ATP10D: variants seen among roughly 807,000 people sequenced by gnomAD.
ATP10D encodes the protein ATPase phospholipid transporting 10D (putative).
Under a neutral mutation model 144.8 loss-of-function variants are expected in ATP10D, and 89 were observed. The observed-to-expected ratio is 0.61, with a 90% CI of 0.52 to 0.73. The LOEUF is 0.73. Ranked by LOEUF, ATP10D falls within the 30% of genes least tolerant of loss-of-function variation. The pLI is 0.00. For synonymous variants in ATP10D, 571 were observed against 615.1 expected (o/e 0.93, Z 1.06); for missense variants, 1,603 against 1,714.8 (o/e 0.93, Z 1.15).
chr4:47,519,578 G>A (rs1716844173), intron 3 of ATP10D, among the ~76,000 whole-genome samples: 1 of 152,232 alleles, frequency 6.6e-6, no homozygotes, highest in South Asian at 2.1e-4. Context: ...CTAGTTAAAT[G>A]TGGCTGTGAG....
intron 21 of ATP10D, among the ~76,000 whole-genome samples, chr4:47,583,773 T>C (rs1244867584): frequency 4.6e-5 from 6 of 130,862 alleles, no homozygotes. Context: ...AGAAAAGTTA[T>C]TAAAAAATAT....
rs1373575522 is a variant in ATP10D, at chr4:47,515,621, T to C, written c.436T>C (p.Tyr146His). Residue 146 changes from tyrosine (Y) to histidine (H), a missense_variant, in exon 3 of 23, where the codon TAC becomes CAC. Transcript: ENST00000273859. ...AGATGGCCTGGAAGATTATCGGAAATACAAAATTGACAAACAGATCAATAA... is the reference window on the plus strand; with the variant it reads ...AGATGGCCTGGAAGATTATCGGAAACACAAAATTGACAAACAGATCAATAA... ...IKDGLEDYRK[Y>H]KIDKQINNLI... The C allele has an allele frequency of 1.9e-6, 3 of 1,612,410 alleles. No individual in the cohort carries two copies. Among genetic ancestry groups the C allele is most frequent in the Non-Finnish European group, 1.7e-6 (2 of 1,178,514 alleles).
In ATP10D at chr4:47,591,460, A is replaced by T. The variant is rs538069284; in HGVS notation, c.*79A>T. Reference sequence around the variant, plus strand: ...AGAGGTATCTCTCCAAGCAAGAATGACTTGTTTTTCCATAAGGGACATGAG... The same window carrying T: ...AGAGGTATCTCTCCAAGCAAGAATGTCTTGTTTTTCCATAAGGGACATGAG... On this transcript the variant is annotated 3_prime_UTR_variant, in exon 23 of 23. Coordinates refer to ENST00000273859, the MANE Select transcript of ATP10D (RefSeq NM_020453.4). The T allele has an allele frequency of 7.8e-7, 1 of 1,279,016 alleles. No homozygotes were observed. The highest frequency in any genetic ancestry group is 1.5e-5 in the South Asian group (1 of 68,150). The allele number at this position is 1,279,016 out of a possible 1,614,324, so 79.2% of individuals were successfully genotyped here.
chr4:47,557,045 A>G (rs1244424835), intron 11 of ATP10D: 1 of 152,048 alleles, frequency 6.6e-6, no homozygotes, highest in Non-Finnish European at 1.5e-5. Flanking sequence ...TAATCTTTTG[A>G]TTTGCTTTCT....
chr4:47,551,347 C>G (rs1374843149), intron 10 of ATP10D, among the ~76,000 whole-genome samples: 1 of 152,158 alleles, frequency 6.6e-6, no homozygotes, highest in African/African-American at 2.4e-5. Context: ...ACCAGGAAAC[C>G]AAATAAGGCT....
chr4:47,519,573 T>C (rs1399337534), intron 3 of ATP10D, among the ~76,000 whole-genome samples: 2 of 152,248 alleles, frequency 1.3e-5, no homozygotes, highest in African/African-American at 2.4e-5. Context: ...CCAGGCTAGT[T>C]AAATGTGGCT....
chr4:47,542,252 A>G (rs1236941693), intron 9 of ATP10D, among the ~76,000 whole-genome samples: 1 of 151,954 alleles, frequency 6.6e-6, no homozygotes, highest in Non-Finnish European at 1.5e-5. Flanking sequence ...ACATGCCACC[A>G]CGCATGGCTA....
At chr4:47,583,208 G>C (rs1021141129) in intron 21 of ATP10D, 2 of 152,214 alleles carry the variant, frequency 1.3e-5, no homozygotes, top group African/African-American at 4.8e-5. Context: ...CTCTCTGCGA[G>C]GGTAGGGTTC....
intron 21 of ATP10D, among the ~76,000 whole-genome samples, chr4:47,585,011 T>C (rs1720717204): frequency 6.6e-6 from 1 of 152,190 alleles, no homozygotes; most frequent in Non-Finnish European, 1.5e-5. Context: ...AAAAGCATGA[T>C]ATGTGCCACC....
At position 47,561,094 on chromosome 4, in the gene ATP10D, T is replaced by C. The variant is rs1560446194; in HGVS notation, c.2668+19T>C. ...TTACTTGGTAGGTGAATTATGTTTG[T>C]ATTGCCTGAATGGAGGATTTTGAAA... On this transcript the variant is annotated intron_variant, in intron 14 of 22. Coordinates refer to ENST00000273859, the MANE Select transcript of ATP10D (RefSeq NM_020453.4). 2.5e-6 allele frequency: 4 copies of C among 1,613,762 alleles called. No homozygotes were observed. The highest frequency in any genetic ancestry group is 1.3e-5 in the African/African-American group (1 of 74,934).
intron 20 of ATP10D, 69 bp downstream of exon 20, chr4:47,580,547 A>C: frequency 7.1e-7 from 1 of 1,405,408 alleles, no homozygotes; most frequent in Non-Finnish European, 1.0e-6. Flanking sequence ...CTTTGCCACC[A>C]ATTTCAGCAT....
At chr4:47,519,897 A>G (rs766257889) in intron 3 of ATP10D, among the ~76,000 whole-genome samples, 1 of 152,194 alleles carries the variant, frequency 6.6e-6, no homozygotes, top group Non-Finnish European at 1.5e-5. Flanking sequence ...TGCACCTAAC[A>G]TGGTAACTGG....
intron 1 of ATP10D, among the ~76,000 whole-genome samples, chr4:47,488,033 C>T (rs1043498846): frequency 8.6e-5 from 13 of 151,868 alleles, no homozygotes; most frequent in Admixed American, 7.9e-4. Context: ...GATCTTGGGT[C>T]TAAAAATATA....
At chr4:47,523,619 C>T (rs774530818) in intron 4 of ATP10D, among the ~76,000 whole-genome samples, 18 of 152,218 alleles carry the variant, frequency 1.2e-4, no homozygotes, top group African/African-American at 2.2e-4. Context: ...ATTGTGCAGA[C>T]GGAAACAGAA....
chr4:47,514,364 A>G (rs1022690933), intron 2 of ATP10D, among the ~76,000 whole-genome samples: 4 of 152,234 alleles, frequency 2.6e-5, no homozygotes, highest in African/African-American at 9.6e-5. Flanking sequence ...GGTTAGAGCT[A>G]TAGGTTTAGA....
chr4:47,591,435 A>T lies in ATP10D; in HGVS notation c.*54A>T, dbSNP rs1372086655. ...TTCAAGGTTGGAAGAGGGATTTTGA[A>T]GAGGTATCTCTCCAAGCAAGAATGA... On this transcript the variant is annotated 3_prime_UTR_variant, in exon 23 of 23. Transcript: ENST00000273859. 6.3e-6 allele frequency: 9 copies of T among 1,436,404 alleles called. No homozygotes were observed. The highest frequency in any genetic ancestry group is 8.5e-6 in the Non-Finnish European group (9 of 1,059,366). The allele number at this position is 1,436,404 out of a possible 1,614,324, so 89.0% of individuals were successfully genotyped here. A position where few individuals can be genotyped will look rare whatever the true frequency, so the allele number is the denominator to read the frequency against.
intron 15 of ATP10D, 73 bp from the exon 16 acceptor site, chr4:47,568,764 G>T: frequency 7.5e-7 from 1 of 1,326,144 alleles, no homozygotes; most frequent in South Asian, 1.4e-5. Flanking sequence ...GCTAAAAAAT[G>T]ACAATAAAAA....
chr4:47,541,739 C>A (rs1247866553), intron 9 of ATP10D, among the ~76,000 whole-genome samples: 1 of 152,142 alleles, frequency 6.6e-6, no homozygotes, highest in Non-Finnish European at 1.5e-5. Context: ...GACTCATGCC[C>A]ACTTCTTCCA....
intron 3 of ATP10D, among the ~76,000 whole-genome samples, chr4:47,520,693 C>T (rs760777141): frequency 3.9e-5 from 6 of 151,974 alleles, no homozygotes; most frequent in Non-Finnish European, 7.4e-5. Flanking sequence ...CTCAGCCTCC[C>T]GAGTAGCTGG....
Sources: allele counts gnomAD v4.1 joint callset (sites outside exome capture counted in the v4.1 genomes callset), GRCh38; gene constraint gnomAD v4.1.1; transcripts MANE v1.5; gene names NCBI Gene and HGNC (gene_info 2026-07-23, HGNC 2026-07-21).